Variants in ABR observed in about 807,000 individuals in gnomAD.
The protein encoded by ABR is active breakpoint cluster region-related protein.
A neutral mutation model predicts 107.2 loss-of-function variants in ABR; 35 were observed. That is an observed-to-expected ratio of 0.33 (90% CI 0.25 to 0.43). ABR has a LOEUF of 0.43. Ranked by LOEUF, ABR falls within the 20% of genes least tolerant of loss-of-function variation. ABR has a pLI of 1.00. For synonymous variants in ABR, 498 were observed against 462.0 expected (o/e 1.08, Z -1.00); for missense variants, 815 against 1,115.2 (o/e 0.73, Z 3.83).
At chr17:1,168,331 G>C (rs2041592137) in intron 1 of ABR, among the ~76,000 whole-genome samples, 1 of 152,168 alleles carries the variant, frequency 6.6e-6, no homozygotes, top group Non-Finnish European at 1.5e-5. Context: ...GCTAAGCGAT[G>C]TGAGCCGGAG....
chr17:1,062,208 A>C (rs2034047441), intron 10 of ABR, among the ~76,000 whole-genome samples: 1 of 151,696 alleles, frequency 6.6e-6, no homozygotes, highest in Non-Finnish European at 1.5e-5. Flanking sequence ...ACGTGAACTG[A>C]GGGCTATGCA....
intron 1 of ABR, among the ~76,000 whole-genome samples, chr17:1,151,297 A>T (rs1257330364): frequency 6.6e-6 from 1 of 152,138 alleles, no homozygotes; most frequent in Non-Finnish European, 1.5e-5. Context: ...CTCTGGCTCT[A>T]CGTCTTATTT....
chr17:1,190,386 C>A (rs561818293), upstream of ABR, among the ~76,000 whole-genome samples: 25 of 152,324 alleles, frequency 1.6e-4, no homozygotes, highest in South Asian at 4.1e-4. Context: ...GTAATCCCAG[C>A]ACTTTGGGAG....
At chr17:1,089,300 C>T (rs2036856389) in intron 4 of ABR, among the ~76,000 whole-genome samples, 1 of 152,192 alleles carries the variant, frequency 6.6e-6, no homozygotes, top group African/African-American at 2.4e-5. Flanking sequence ...TCCCAAAGTG[C>T]TGGGATTACA....
At chr17:1,223,875 T>A (rs1428245526) in intron 1 of ABR, among the ~76,000 whole-genome samples, 1 of 152,154 alleles carries the variant, frequency 6.6e-6, no homozygotes, top group East Asian at 1.9e-4. Flanking sequence ...AACCGCCCCA[T>A]GATCCAGTCG....
chr17:1,014,307 G>T (rs2070941208), intron 16 of ABR, among the ~76,000 whole-genome samples: 1 of 136,136 alleles, frequency 7.3e-6, no homozygotes, highest in African/African-American at 2.8e-5. Context: ...CGGGCGTGGT[G>T]GCGGGCGCCT....
intron 1 of ABR, among the ~76,000 whole-genome samples, chr17:1,162,284 G>A (rs982858328): frequency 3.3e-5 from 5 of 152,220 alleles, no homozygotes; most frequent in African/African-American, 1.2e-4. Flanking sequence ...CAGGACATAC[G>A]TGGGACAGGC....
At position 1,027,142 on chromosome 17, in the gene ABR, G is replaced by A. The variant is rs768570555; in HGVS notation, c.1792-13978C>T. 6.6e-6 allele frequency among the ~76,000 whole-genome samples: 1 copy of A among 152,210 alleles called. No homozygotes were observed. The highest frequency in any genetic ancestry group is 1.5e-5 in the Non-Finnish European group (1 of 68,034). On this transcript the variant is annotated intron_variant, in intron 16 of 22. Coordinates refer to ENST00000302538, the MANE Select transcript of ABR (RefSeq NM_021962.5). This position sits in a 1 kb window ranked among gnomAD's most constrained non-coding sequence, Gnocchi z 4.7. ...GCCTCTGGGTACTACAGCAACACTG[G>A]GCTCAGGCAGCTTTGGCCTTTGAGG...
chr17:1,108,942 C>A, intron 2 of ABR: 1 of 1,593,136 alleles, frequency 6.3e-7, no homozygotes, highest in Non-Finnish European at 8.5e-7. Context: ...ACCTTCACAG[C>A]CACCAGGAAG....
chr17:1,206,977 C>G (rs753608794), intron 1 of ABR, among the ~76,000 whole-genome samples: 1 of 152,008 alleles, frequency 6.6e-6, no homozygotes, highest in Non-Finnish European at 1.5e-5. Flanking sequence ...CCCAGCTACT[C>G]GGGAGCTGAG....
chr17:1,019,054 A>G (rs2150798156), intron 16 of ABR, among the ~76,000 whole-genome samples: 1 of 152,316 alleles, frequency 6.6e-6, no homozygotes, highest in Non-Finnish European at 1.5e-5. Context: ...CAGAAAGGCA[A>G]CATCGGGCCT....
In ABR at chr17:1,092,154, G is replaced by A. The variant is rs1477862785; in HGVS notation, c.346-304C>T. Reference sequence around the variant, plus strand: ...AGCCTGTACTGGGTTAACAGGATCCGCGTCTTTCTTCCACGATAGCCTGTG... The same window carrying A: ...AGCCTGTACTGGGTTAACAGGATCCACGTCTTTCTTCCACGATAGCCTGTG... On this transcript the variant is annotated intron_variant, in intron 3 of 22. Coordinates refer to ENST00000302538, the MANE Select transcript of ABR (RefSeq NM_021962.5). The surrounding 1 kb of genome is among the most constrained non-coding windows in gnomAD (Gnocchi z 4.6). Among the ~76,000 whole-genome samples the A allele has an allele frequency of 1.3e-5, 2 of 152,176 alleles. No homozygotes were observed. Among genetic ancestry groups the A allele is most frequent in the Non-Finnish European group, 2.9e-5 (2 of 68,024 alleles).
rs191489883 is a variant in ABR at position 1,070,546 on chromosome 17, C to A, written c.895-456G>T. Among the ~76,000 whole-genome samples the A allele has an allele frequency of 2.2e-4, 33 of 152,232 alleles. No individual in the cohort carries two copies. The highest frequency in any genetic ancestry group is 7.7e-4 in the African/African-American group (32 of 41,526). On this transcript the variant is annotated intron_variant, in intron 8 of 22. Coordinates refer to ENST00000302538, the MANE Select transcript of ABR (RefSeq NM_021962.5). The surrounding 1 kb of genome is among the most constrained non-coding windows in gnomAD (Gnocchi z 4.2). ...AATCCCTCCCGACCGCGGCGGCGAA[C>A]TTCATCTAGCCCCGGCTCAACCGAG...
At position 1,223,990 on chromosome 17, in the gene ABR, C is replaced by T. The variant is rs140988626; in HGVS notation, c.838+4803G>A. On this transcript the variant is annotated intron_variant, in intron 1 of 22. Coordinates refer to the ABR transcript ENST00000574139. ...TATCAGTGCCTGTCTCCCGAAGGTG[C>T]TCTGTGGAATCCATGAATTAAAGCA... is the stretch of plus-strand genomic sequence containing the variant. Among the ~76,000 whole-genome samples the T allele has an allele frequency of 6.4e-3, 971 of 152,302 alleles. 7 individuals carry two copies. The highest frequency in any genetic ancestry group is 9.9e-3 in the Admixed American group (151 of 15,286).
intron 16 of ABR, among the ~76,000 whole-genome samples, chr17:1,014,298 G>C (rs575219132): frequency 1.5e-5 from 2 of 136,300 alleles, no homozygotes; most frequent in African/African-American, 5.5e-5. Context: ...AAAATTAGCC[G>C]GGCGTGGTGG....
At chr17:1,056,231 C>T (rs1310337683) in intron 13 of ABR, 122 bp from the exon 14 acceptor site, 1 of 852,576 alleles carries the variant, frequency 1.2e-6, no homozygotes, top group African/African-American at 1.7e-5. Flanking sequence ...AACATCACCA[C>T]CTGGTGGCCA....
At chr17:1,176,957 T>C (rs774039856) in intron 1 of ABR, among the ~76,000 whole-genome samples, 1 of 151,610 alleles carries the variant, frequency 6.6e-6, no homozygotes, top group Non-Finnish European at 1.5e-5. Flanking sequence ...CTATTATCAT[T>C]GTTACCAGGA....
At chr17:1,213,412 C>T (rs543833919) in intron 1 of ABR, among the ~76,000 whole-genome samples, 3 of 152,222 alleles carry the variant, frequency 2.0e-5, no homozygotes, top group South Asian at 2.1e-4. Context: ...TTTTTTGAGA[C>T]GGAGTCTCGC....
chr17:1,204,429 AGC>A (rs2042749308), intron 1 of ABR, among the ~76,000 whole-genome samples: 1 of 152,252 alleles, frequency 6.6e-6, no homozygotes, highest in African/African-American at 2.4e-5. Context: ...TGGGCGACAC[AGC>A]GAGACTCTGT....
Sources: gnomAD v4.1 joint callset for allele counts (sites outside exome capture counted in the v4.1 genomes callset) on GRCh38, gnomAD v4.1.1 for gene constraint, Gnocchi (gnomAD v3.1) non-coding constraint, MANE v1.5 for transcripts, NCBI Gene and HGNC (gene_info 2026-07-23, HGNC 2026-07-21) for gene names.